Variants in CACUL1 observed in about 807,000 individuals in gnomAD.
The protein encoded by CACUL1 is CDK2 associated cullin domain 1.
In CACUL1, 13 loss-of-function variants were observed where a neutral mutation model predicts 45.2. The observed-to-expected ratio is 0.29, with a 90% CI of 0.19 to 0.46. CACUL1 has a LOEUF of 0.46. Ranked by LOEUF, CACUL1 falls within the 20% of genes least tolerant of loss-of-function variation. The pLI, the probability that CACUL1 is intolerant of heterozygous loss-of-function variation, is 1.00. For synonymous variants in CACUL1, 197 were observed against 174.2 expected (o/e 1.13, Z -1.03); for missense variants, 421 against 471.4 (o/e 0.89, Z 0.99).
At chr10:118,751,268 A>G (rs1440274219) in intron 1 of CACUL1, among the ~76,000 whole-genome samples, 1 of 152,126 alleles carries the variant, frequency 6.6e-6, no homozygotes, top group Admixed American at 6.5e-5. Context: ...AAAATAATTA[A>G]TTTTTCACCT....
intron 3 of CACUL1, among the ~76,000 whole-genome samples, chr10:118,727,236 A>G (rs1382575557): frequency 6.6e-6 from 1 of 151,954 alleles, no homozygotes; most frequent in Non-Finnish European, 1.5e-5. Context: ...AGCAAAAAAC[A>G]TAAAAAATTT....
intron 3 of CACUL1, among the ~76,000 whole-genome samples, chr10:118,724,692 T>G (rs1363741687): frequency 6.6e-6 from 1 of 152,064 alleles, no homozygotes; most frequent in Admixed American, 6.5e-5. Flanking sequence ...AATATTCCAC[T>G]AGTGCAGGCA....
At chr10:118,713,124 G>A (rs955549004) in intron 3 of CACUL1, among the ~76,000 whole-genome samples, 2 of 152,210 alleles carry the variant, frequency 1.3e-5, no homozygotes, top group African/African-American at 4.8e-5. Context: ...AAAGTCCGGA[G>A]GGGGCCGAGG....
intron 5 of CACUL1, 75 bp downstream of exon 5, chr10:118,701,231 T>C: frequency 2.4e-6 from 2 of 826,590 alleles, no homozygotes; most frequent in Non-Finnish European, 3.7e-6. Context: ...GTGACAATGC[T>C]CTCAGACCAA....
chr10:118,718,553 A>G (rs1311294327), intron 3 of CACUL1, among the ~76,000 whole-genome samples: 2 of 152,168 alleles, frequency 1.3e-5, no homozygotes, highest in African/African-American at 4.8e-5. Context: ...ACGGCCCGTG[A>G]AGATATTTAC....
Position 118,676,965 on chromosome 10 carries a change from A to G in CACUL1, c.*9163T>C, listed in dbSNP as rs985943002. ...TTGTATTCTTAGAAAAAACTTCTCC[A>G]ATCCCAAGAAAAAATACTACTTTCT... On this transcript the variant is annotated 3_prime_UTR_variant, in exon 9 of 9. Coordinates refer to ENST00000369151, the MANE Select transcript of CACUL1 (RefSeq NM_153810.5). 3 of 152,206 alleles carry G rather than the reference A, an allele frequency of 2.0e-5. No individual in the cohort carries two copies. The highest frequency in any genetic ancestry group is 7.2e-5 in the African/African-American group (3 of 41,518). 9.4% of individuals were successfully genotyped at this position (152,206 alleles called of 1,614,324 possible). A position where few individuals can be genotyped will look rare whatever the true frequency, so the allele number is the denominator to read the frequency against.
At chr10:118,701,492 A>C (rs1338115993) in intron 4 of CACUL1, 84 bp from the exon 5 acceptor site, 5 of 668,418 alleles carry the variant, frequency 7.5e-6, no homozygotes, top group Non-Finnish European at 1.2e-5. Flanking sequence ...ATATTTTAGA[A>C]AACAATGCAT....
chr10:118,720,360 TTATCTC>T (rs997608947), intron 3 of CACUL1, among the ~76,000 whole-genome samples: 1 of 152,178 alleles, frequency 6.6e-6, no homozygotes, highest in Non-Finnish European at 1.5e-5. Context: ...CCCACATACT[TTATCTC>T]TATGTAACAC....
intron 1 of CACUL1, among the ~76,000 whole-genome samples, chr10:118,750,129 C>T (rs1221267342): frequency 6.6e-6 from 1 of 152,010 alleles, no homozygotes; most frequent in East Asian, 1.9e-4. Flanking sequence ...GAGTTTGAGA[C>T]CAGCCTGACC....
chr10:118,743,321 T>G (rs1049998323), intron 1 of CACUL1, among the ~76,000 whole-genome samples: 2 of 151,914 alleles, frequency 1.3e-5, no homozygotes, highest in South Asian at 2.1e-4. Flanking sequence ...TTTTCCAAAT[T>G]TGACAAATTC....
intron 6 of CACUL1, among the ~76,000 whole-genome samples, chr10:118,694,434 C>A (rs2119557760): frequency 6.6e-6 from 1 of 152,290 alleles, no homozygotes; most frequent in East Asian, 1.9e-4. Flanking sequence ...TAATTACTAT[C>A]TAAAAAGCAT....
At chr10:118,723,769 G>A (rs1845623715) in intron 3 of CACUL1, among the ~76,000 whole-genome samples, 1 of 152,044 alleles carries the variant, frequency 6.6e-6, no homozygotes, top group Non-Finnish European at 1.5e-5. Flanking sequence ...AGCAAATCAA[G>A]ACCACCATTT....
chr10:118,697,031 T>C (rs545950589), intron 5 of CACUL1, among the ~76,000 whole-genome samples: 30 of 152,310 alleles, frequency 2.0e-4, no homozygotes, highest in Non-Finnish European at 3.8e-4. Flanking sequence ...ACATAAAATG[T>C]ACAGAAATTA....
intron 6 of CACUL1, chr10:118,693,421 G>A (rs556490620): frequency 5.4e-6 from 1 of 183,488 alleles, no homozygotes; most frequent in South Asian, 1.1e-4. Flanking sequence ...AGGTTAGTAT[G>A]TGATAAAATT....
At chr10:118,752,151 C>T (rs1845903907) in intron 1 of CACUL1, among the ~76,000 whole-genome samples, 1 of 152,056 alleles carries the variant, frequency 6.6e-6, no homozygotes, top group Non-Finnish European at 1.5e-5. Context: ...AATCTTTATA[C>T]CTTATTTTTT....
chr10:118,689,036 C>T (rs1845235261), intron 7 of CACUL1, among the ~76,000 whole-genome samples: 1 of 152,172 alleles, frequency 6.6e-6, no homozygotes, highest in Admixed American at 6.5e-5. Flanking sequence ...ACAGGAATCA[C>T]GTGGTTGGTT....
intron 1 of CACUL1, among the ~76,000 whole-genome samples, chr10:118,748,706 C>T (rs548664912): frequency 1.4e-4 from 22 of 151,942 alleles, no homozygotes; most frequent in African/African-American, 3.1e-4. Context: ...TTCCAAAATC[C>T]GAAAAAAATC....
At chr10:118,726,782 A>G (rs1485286066) in intron 3 of CACUL1, among the ~76,000 whole-genome samples, 1 of 152,166 alleles carries the variant, frequency 6.6e-6, no homozygotes, top group Non-Finnish European at 1.5e-5. Context: ...AAGCAACGAG[A>G]TAGTCTAGTA....
At chr10:118,747,426 C>A (rs1589620992) in intron 1 of CACUL1, among the ~76,000 whole-genome samples, 1 of 151,940 alleles carries the variant, frequency 6.6e-6, no homozygotes, top group Middle Eastern at 3.4e-3. Flanking sequence ...TTTACCCACA[C>A]CAAACCTTGT....
Sources: allele counts gnomAD v4.1 joint callset (sites outside exome capture counted in the v4.1 genomes callset), GRCh38; gene constraint gnomAD v4.1.1; transcripts MANE v1.5; gene names NCBI Gene and HGNC (gene_info 2026-07-23, HGNC 2026-07-21).